Variants in AGBL4 observed in about 807,000 individuals in gnomAD.
AGBL4 encodes cytosolic carboxypeptidase 6.
A neutral mutation model predicts 66.4 loss-of-function variants in AGBL4; 58 were observed. The ratio of observed to expected loss-of-function variants is 0.87; its 90% CI spans 0.71 to 1.09. The LOEUF (loss-of-function observed/expected upper bound fraction) is 1.09, where lower values mean the gene tolerates loss of function less well. Ranked by LOEUF, AGBL4 falls within the 50% of genes least tolerant of loss-of-function variation. The pLI, the probability that AGBL4 is intolerant of heterozygous loss-of-function variation, is 0.00. For synonymous variants in AGBL4, 234 were observed against 222.9 expected, an observed-to-expected ratio of 1.05 and a Z score of -0.44; for missense variants, 579 against 631.0, an observed-to-expected ratio of 0.92 and a Z score of 0.88.
chr1:49,950,144 ATG>A (rs1312557863), intron 1 of AGBL4, among the ~76,000 whole-genome samples: 1 of 144,274 alleles, frequency 6.9e-6, no homozygotes, highest in Non-Finnish European at 1.5e-5. Context: ...ATATACACAT[ATG>A]TGTATATATA....
At chr1:49,758,043 A>C (rs188449709) in intron 2 of AGBL4, among the ~76,000 whole-genome samples, 1 of 152,246 alleles carries the variant, frequency 6.6e-6, no homozygotes, top group Non-Finnish European at 1.5e-5. Context: ...GTACAGCCTC[A>C]GGACATGGTG....
chr1:48,691,416 AG>A (rs1183274282), intron 6 of AGBL4, among the ~76,000 whole-genome samples: 2 of 152,112 alleles, frequency 1.3e-5, no homozygotes, highest in Non-Finnish European at 2.9e-5. Context: ...TAGAGTAATC[AG>A]GGAAGACTTT....
chr1:49,094,407 A>C (rs1293057758), intron 4 of AGBL4, among the ~76,000 whole-genome samples: 1 of 152,088 alleles, frequency 6.6e-6, no homozygotes, highest in Non-Finnish European at 1.5e-5. Context: ...AACACAATGC[A>C]TTTTGTTAAA....
chr1:49,144,822 A>C (rs1475142473), intron 4 of AGBL4, among the ~76,000 whole-genome samples: 1 of 152,186 alleles, frequency 6.6e-6, no homozygotes, highest in Non-Finnish European at 1.5e-5. Flanking sequence ...CTGAAGGAAG[A>C]GTAAGAGTTT....
chr1:49,700,390 C>G (rs926825975), intron 2 of AGBL4, among the ~76,000 whole-genome samples: 1 of 151,518 alleles, frequency 6.6e-6, no homozygotes, highest in African/African-American at 2.4e-5. Flanking sequence ...AAAATTAAAA[C>G]ATAGATTAAT....
rs568365341 is a variant in AGBL4, at chr1:49,916,093, T to C, written c.35-64575A>G. Among the ~76,000 whole-genome samples, 386 of 152,084 alleles carry C rather than the reference T, an allele frequency of 2.5e-3. 1 individual carries two copies. Among genetic ancestry groups the C allele is most frequent in the African/African-American group, 8.8e-3 (366 of 41,488 alleles). ...CCAAAACCCCATCTGTACGTCACCA[T>C]CATCAAAGACCAAAGGTAGATAAAA... On this transcript the variant is annotated intron_variant, in intron 1 of 13. Transcript: ENST00000371839.
At chr1:49,686,883 C>A (rs1404399880) in intron 3 of AGBL4, among the ~76,000 whole-genome samples, 2 of 152,116 alleles carry the variant, frequency 1.3e-5, no homozygotes, top group Admixed American at 1.3e-4. Flanking sequence ...AGAATACCAA[C>A]CCTGGCAGTC....
chr1:48,906,793 C>T (rs917136459), intron 5 of AGBL4, among the ~76,000 whole-genome samples: 3 of 152,088 alleles, frequency 2.0e-5, no homozygotes. Context: ...CAGCTTAATA[C>T]AATATAGAAT....
At chr1:49,412,367 C>T (rs1440498961) in intron 3 of AGBL4, among the ~76,000 whole-genome samples, 1 of 152,096 alleles carries the variant, frequency 6.6e-6, no homozygotes, top group Non-Finnish European at 1.5e-5. Context: ...CTTATAAGAA[C>T]ACTAATCCCA....
intron 6 of AGBL4, among the ~76,000 whole-genome samples, chr1:48,845,408 C>A (rs550285167): frequency 4.6e-5 from 7 of 152,230 alleles, no homozygotes; most frequent in Non-Finnish European, 5.9e-5. Context: ...ACACAGAATG[C>A]GGTATGAATG....
At chr1:49,365,039 C>T (rs1338381181) in intron 3 of AGBL4, among the ~76,000 whole-genome samples, 1 of 152,094 alleles carries the variant, frequency 6.6e-6, no homozygotes, top group Non-Finnish European at 1.5e-5. Context: ...TCCATTATTA[C>T]TATTTTAATA....
rs918599255 is a variant in AGBL4, at chr1:49,844,785, C to T, written c.157+6611G>A. 14 of 1,575,306 alleles carry T rather than the reference C, an allele frequency of 8.9e-6. No homozygotes were observed. The South Asian group carries it at 1.3e-4, about 15-fold the overall frequency. On this transcript the variant is annotated intron_variant, in intron 2 of 13. Transcript: ENST00000371839. ...ATGTCATCTTGGTAGAAAGATTCCT[C>T]TGGGATGGTCTGTGGTACTGCAGGG... is the stretch of plus-strand genomic sequence containing the variant.
intron 5 of AGBL4, among the ~76,000 whole-genome samples, chr1:48,907,167 G>A (rs1027088572): frequency 6.6e-6 from 1 of 152,148 alleles, no homozygotes; most frequent in Non-Finnish European, 1.5e-5. Context: ...CACTGAGTTA[G>A]CACCCACACG....
intron 2 of AGBL4, among the ~76,000 whole-genome samples, chr1:49,755,131 C>T (rs770923982): frequency 6.6e-6 from 1 of 152,136 alleles, no homozygotes; most frequent in South Asian, 2.1e-4. Context: ...CAAGTTGAGA[C>T]ATAAAATTAA....
intron 3 of AGBL4, among the ~76,000 whole-genome samples, chr1:49,584,190 C>A (rs980365993): frequency 1.3e-5 from 2 of 152,132 alleles, no homozygotes; most frequent in African/African-American, 4.8e-5. Flanking sequence ...AAACTAGGGA[C>A]CCCCTCTCCC....
Position 48,699,869 on chromosome 1 carries a change from C to T in AGBL4, c.635-36628G>A, listed in dbSNP as rs564504562. 4.6e-5 allele frequency among the ~76,000 whole-genome samples: 7 copies of T among 151,946 alleles called. No homozygotes were observed. In the South Asian group the frequency reaches 1.5e-3, roughly 32 times the overall value. ...GTCTCAGGGTCTGCTCTGGGATAAC[C>T]CAAACCATGCACTCTCATGATACTA... On this transcript the variant is annotated intron_variant, in intron 6 of 13. Transcript: ENST00000371839.
intron 5 of AGBL4, among the ~76,000 whole-genome samples, chr1:48,995,261 T>C (rs1660914836): frequency 6.6e-6 from 1 of 152,208 alleles, no homozygotes; most frequent in Admixed American, 6.5e-5. Context: ...AGGTACCTGT[T>C]TTGGCCTATC....
intron 6 of AGBL4, among the ~76,000 whole-genome samples, chr1:48,763,621 G>T (rs1644387509): frequency 6.6e-6 from 1 of 152,136 alleles, no homozygotes; most frequent in East Asian, 1.9e-4. Flanking sequence ...AGTCTGACAT[G>T]CAGAGCCACC....
chr1:49,721,569 G>C (rs1440195906), intron 2 of AGBL4, among the ~76,000 whole-genome samples: 15 of 152,146 alleles, frequency 9.9e-5, no homozygotes, highest in Admixed American at 9.8e-4. Flanking sequence ...GGAGCCATTG[G>C]AGGCTTTTAA....
Sources: gnomAD v4.1 joint callset for allele counts (sites outside exome capture counted in the v4.1 genomes callset) on GRCh38, gnomAD v4.1.1 for gene constraint, MANE v1.5 for transcripts, NCBI Gene and HGNC (gene_info 2026-07-23, HGNC 2026-07-21) for gene names.